EPHA6: variants seen among roughly 807,000 people sequenced by gnomAD.
EPHA6 encodes the protein EPH receptor A6.
Under a neutral mutation model 112.0 loss-of-function variants are expected in EPHA6, and 50 were observed. The ratio of observed to expected loss-of-function variants is 0.45; its 90% CI spans 0.36 to 0.56. The LOEUF (loss-of-function observed/expected upper bound fraction) is 0.56. EPHA6 is among the 20% of genes least tolerant of loss of function. The pLI, the probability that EPHA6 is intolerant of heterozygous loss-of-function variation, is 0.00. For missense variants in EPHA6, 1,280 were observed against 1,417.4 expected, an observed-to-expected ratio of 0.90 and a Z score of 1.56; for synonymous variants, 529 against 490.7, an observed-to-expected ratio of 1.08 and a Z score of -1.03.
chr3:96,931,564 G>A (rs116748724), intron 2 of EPHA6, among the ~76,000 whole-genome samples: 2,194 of 152,246 alleles, frequency 0.014, 58 homozygotes, highest in African/African-American at 0.05. Context: ...TCTGGCCATG[G>A]TGTAGCAAAG....
chr3:97,244,606 A>G (rs2078935773), intron 5 of EPHA6: 1 of 357,294 alleles, frequency 2.8e-6, no homozygotes, highest in Non-Finnish European at 5.0e-6. Flanking sequence ...AATCAATAAA[A>G]TGTTATTAAA....
intron 6 of EPHA6, among the ~76,000 whole-genome samples, chr3:97,415,852 C>T (rs1358434286): frequency 4.6e-5 from 7 of 152,056 alleles, no homozygotes; most frequent in Non-Finnish European, 1.0e-4. Flanking sequence ...CATTCAGAAA[C>T]ATTGGTTGAA....
intron 10 of EPHA6, among the ~76,000 whole-genome samples, chr3:97,528,573 G>GCT (rs886613086): frequency 6.6e-6 from 1 of 152,088 alleles, no homozygotes; most frequent in Non-Finnish European, 1.5e-5. Flanking sequence ...TGGGACCGTG[G>GCT]CTCTTTGCTT....
intron 11 of EPHA6, among the ~76,000 whole-genome samples, chr3:97,534,625 C>T (rs2092738509): frequency 6.6e-6 from 1 of 151,958 alleles, no homozygotes; most frequent in Non-Finnish European, 1.5e-5. Context: ...TTAATTGCCC[C>T]TAAGATATAA....
chr3:97,348,318 G>A (rs1359051594), intron 5 of EPHA6, among the ~76,000 whole-genome samples: 1 of 151,944 alleles, frequency 6.6e-6, no homozygotes, highest in Non-Finnish European at 1.5e-5. Context: ...CTAATTTCTT[G>A]AGTTTAAAAA....
At chr3:97,640,173 G>A (rs933096898) in intron 14 of EPHA6, among the ~76,000 whole-genome samples, 1 of 152,096 alleles carries the variant, frequency 6.6e-6, no homozygotes, top group African/African-American at 2.4e-5. Context: ...GCTGAAGAAG[G>A]CGTCACAAAA....
chr3:97,127,062 A>C (rs1348231014), intron 3 of EPHA6, among the ~76,000 whole-genome samples: 3 of 152,126 alleles, frequency 2.0e-5, no homozygotes, highest in Non-Finnish European at 4.4e-5. Flanking sequence ...ACAGATTAAC[A>C]AGAGAAAAAC....
At chr3:97,247,382 T>C (rs1031715110) in intron 5 of EPHA6, among the ~76,000 whole-genome samples, 15 of 151,948 alleles carry the variant, frequency 9.9e-5, no homozygotes, top group Non-Finnish European at 1.5e-4. Context: ...AAGCAGGTAA[T>C]TTCACAAATA....
chr3:97,330,863 C>T (rs1044065424), intron 5 of EPHA6, among the ~76,000 whole-genome samples: 5 of 151,998 alleles, frequency 3.3e-5, no homozygotes, highest in Admixed American at 1.3e-4. Context: ...CAAGGATATC[C>T]GGGAACTGAA....
intron 15 of EPHA6, among the ~76,000 whole-genome samples, chr3:97,734,136 G>T (rs940547398): frequency 6.6e-6 from 1 of 152,022 alleles, no homozygotes. Context: ...TATGCAAAGT[G>T]CATAGCACAT....
chr3:97,387,056 C>G (rs555065046), intron 5 of EPHA6, among the ~76,000 whole-genome samples: 6 of 152,328 alleles, frequency 3.9e-5, no homozygotes, highest in Admixed American at 1.3e-4. Flanking sequence ...GAGGGGCCCT[C>G]GACCTGGCCC....
chr3:97,001,117 A>G (rs1576295579), intron 3 of EPHA6, among the ~76,000 whole-genome samples: 1 of 150,446 alleles, frequency 6.6e-6, no homozygotes, highest in East Asian at 1.9e-4. Flanking sequence ...AGTTATTTTT[A>G]TAAATTCAAA....
At chr3:97,277,285 A>C (rs899491707) in intron 5 of EPHA6, among the ~76,000 whole-genome samples, 3 of 152,040 alleles carry the variant, frequency 2.0e-5, no homozygotes, top group African/African-American at 4.8e-5. Context: ...AGGTAAAGGA[A>C]AATTACAGTC....
At chr3:97,363,924 A>G (rs1400374248) in intron 5 of EPHA6, among the ~76,000 whole-genome samples, 1 of 152,142 alleles carries the variant, frequency 6.6e-6, no homozygotes, top group Admixed American at 6.6e-5. Context: ...AGGATGTATA[A>G]TTCCACTTAT....
At chr3:97,560,881 CACTT>C (rs539482092) in intron 11 of EPHA6, among the ~76,000 whole-genome samples, 6 of 152,018 alleles carry the variant, frequency 3.9e-5, no homozygotes, top group African/African-American at 9.7e-5. Flanking sequence ...CAACAGTATG[CACTT>C]ACTTCATATC....
chr3:96,845,326 G>A (rs1360897883), intron 1 of EPHA6, among the ~76,000 whole-genome samples: 1 of 151,998 alleles, frequency 6.6e-6, no homozygotes, highest in Non-Finnish European at 1.5e-5. Flanking sequence ...GAGCAGTTGT[G>A]CTGGGGCTAG....
In EPHA6 at chr3:97,134,588, T is replaced by G. The variant is rs570638576; in HGVS notation, c.1115-91676T>G. ...AGAACTAACCAAGTAAAATCATGAT[T>G]ATTAAAATAATTCCCCTAAATAATA... On this transcript the variant is annotated intron_variant, in intron 3 of 17. Coordinates refer to ENST00000389672, the MANE Select transcript of EPHA6 (RefSeq NM_001080448.3). Among the ~76,000 whole-genome samples the G allele has an allele frequency of 3.3e-5, 5 of 152,266 alleles. No individual in the cohort carries two copies. In the South Asian group the frequency reaches 1.0e-3, roughly 32 times the overall value.
chr3:96,989,222 G>GT (rs1333665796), intron 3 of EPHA6, among the ~76,000 whole-genome samples: 12 of 152,130 alleles, frequency 7.9e-5, no homozygotes, highest in Non-Finnish European at 1.5e-4. Flanking sequence ...AGTTTTAAAG[G>GT]TTTTTTCTGT....
intron 13 of EPHA6, among the ~76,000 whole-genome samples, chr3:97,613,769 A>G (rs988409196): frequency 6.6e-6 from 1 of 152,216 alleles, no homozygotes; most frequent in Admixed American, 6.5e-5. Context: ...CCCAGAAGGC[A>G]CAACTTCACC....
Sources: allele counts gnomAD v4.1 joint callset (sites outside exome capture counted in the v4.1 genomes callset), GRCh38; gene constraint gnomAD v4.1.1; transcripts MANE v1.5; gene names NCBI Gene and HGNC (gene_info 2026-07-23, HGNC 2026-07-21).